Variants in GALNT17 observed in about 807,000 individuals in gnomAD.
The protein encoded by GALNT17 is UDP-GalNAc:polypeptide N-acetylgalactosaminyltransferase-like 3.
In GALNT17, 29 loss-of-function variants were observed where a neutral mutation model predicts 63.7. That is an observed-to-expected ratio of 0.46 (90% CI 0.34 to 0.62). The LOEUF (loss-of-function observed/expected upper bound fraction) is 0.62, where lower values mean the gene tolerates loss of function less well. GALNT17 is among the 20% of genes least tolerant of loss of function. The probability of loss-of-function intolerance (pLI) is 0.01; values close to 1 mark genes in which losing one functional copy is unlikely to be tolerated. For synonymous variants in GALNT17, 305 were observed against 318.3 expected, an observed-to-expected ratio of 0.96 and a Z score of 0.45; for missense variants, 603 against 799.6, an observed-to-expected ratio of 0.75 and a Z score of 2.97.
At chr7:71,276,768 C>T (rs1005107436) in intron 1 of GALNT17, among the ~76,000 whole-genome samples, 10 of 152,062 alleles carry the variant, frequency 6.6e-5, no homozygotes, top group Admixed American at 1.3e-4. Flanking sequence ...GAGGCCGAGG[C>T]GGGTAGATCA....
intron 1 of GALNT17, among the ~76,000 whole-genome samples, chr7:71,218,997 A>G (rs1196283573): frequency 6.6e-6 from 1 of 152,130 alleles, no homozygotes; most frequent in South Asian, 2.1e-4. Context: ...CTGTGGACAA[A>G]TTATCTTCTA....
At chr7:71,492,497 G>A (rs1788027788) in intron 5 of GALNT17, among the ~76,000 whole-genome samples, 1 of 152,040 alleles carries the variant, frequency 6.6e-6, no homozygotes, top group Non-Finnish European at 1.5e-5. Context: ...TCTTTTCTTT[G>A]GCTGTCACTC....
chr7:71,376,709 T>A (rs1224121230), intron 2 of GALNT17, among the ~76,000 whole-genome samples: 1 of 151,856 alleles, frequency 6.6e-6, no homozygotes, highest in Admixed American at 6.6e-5. Context: ...CCTGGCACTT[T>A]GGGAGGCCCA....
chr7:71,671,855 T>C (rs780029958), intron 8 of GALNT17, among the ~76,000 whole-genome samples: 10 of 152,014 alleles, frequency 6.6e-5, no homozygotes, highest in Non-Finnish European at 1.3e-4. Flanking sequence ...GGAAGTCCTG[T>C]CTATATAGAT....
At chr7:71,236,395 T>C (rs1583786294) in intron 1 of GALNT17, among the ~76,000 whole-genome samples, 1 of 152,072 alleles carries the variant, frequency 6.6e-6, no homozygotes. Context: ...CCACTGGCTG[T>C]AGGTTTCAGC....
At chr7:71,685,030 C>T (rs1047993580) in intron 9 of GALNT17, among the ~76,000 whole-genome samples, 3 of 152,020 alleles carry the variant, frequency 2.0e-5, no homozygotes, top group Non-Finnish European at 4.4e-5. Flanking sequence ...GCAATGCCAG[C>T]TGTCAAACGA....
chr7:71,658,122 G>A (rs117118961), intron 6 of GALNT17, among the ~76,000 whole-genome samples: 15,114 of 152,156 alleles, frequency 0.099, 813 homozygotes, highest in Middle Eastern at 0.15. Flanking sequence ...GCCCAGGCTG[G>A]TCTTGAACTC....
intron 5 of GALNT17, among the ~76,000 whole-genome samples, chr7:71,421,605 G>A (rs958737831): frequency 2.0e-5 from 3 of 151,980 alleles, no homozygotes; most frequent in Non-Finnish European, 2.9e-5. Flanking sequence ...GCTGCCTCTC[G>A]GGATATGGAG....
intron 1 of GALNT17, among the ~76,000 whole-genome samples, chr7:71,185,483 C>T (rs950091351): frequency 4.0e-5 from 6 of 151,718 alleles, no homozygotes; most frequent in African/African-American, 1.5e-4. Flanking sequence ...CAGGCATGAG[C>T]CCCCATACCT....
chr7:71,557,053 ATT>A (rs555277982), intron 5 of GALNT17, among the ~76,000 whole-genome samples: 40,802 of 136,310 alleles, frequency 0.3, 5,796 homozygotes, highest in Admixed American at 0.33. Flanking sequence ...AACCCAGCTA[ATT>A]TTTTTTTTTT....
At chr7:71,186,253 C>T (rs1174079824) in intron 1 of GALNT17, among the ~76,000 whole-genome samples, 4 of 152,164 alleles carry the variant, frequency 2.6e-5, no homozygotes, top group African/African-American at 2.4e-5. Context: ...CTCTCTACTC[C>T]CCTTTCCCCT....
chr7:71,665,274 A>G, intron 6 of GALNT17, 137 bp from the exon 7 acceptor site: 1 of 913,870 alleles, frequency 1.1e-6, no homozygotes, highest in Admixed American at 2.6e-5. Flanking sequence ...ACCGTGCACA[A>G]CCTCTCATTG....
Position 71,665,424 on chromosome 7 carries a change from G to A in GALNT17, c.1094G>A (p.Gly365Glu). 1 of 1,610,802 alleles carries A rather than the reference G, an allele frequency of 6.2e-7. No homozygotes were observed. The highest frequency in any genetic ancestry group is 8.5e-7 in the Non-Finnish European group (1 of 1,179,462). The change falls in exon 7 of 11, where the codon GGG becomes GAG. Residue 365 changes from glycine (G) to glutamate (E), a missense_variant. By Grantham distance (98) the Gly-to-Glu change is moderately conservative (BLOSUM62 -2). Coordinates refer to ENST00000333538, the MANE Select transcript of GALNT17 (RefSeq NM_022479.3). ...IELGIKVWLC[G>E]GSMEVLPCSR... ...TTGTACCCCTAGGTATGGCTCTGTG[G>A]GGGCAGCATGGAGGTCCTTCCTTGC...
At chr7:71,467,753 A>T (rs1455587308) in intron 5 of GALNT17, among the ~76,000 whole-genome samples, 1 of 151,874 alleles carries the variant, frequency 6.6e-6, no homozygotes, top group Non-Finnish European at 1.5e-5. Flanking sequence ...ACAACAGGGA[A>T]CATGGAAAGG....
In GALNT17 at chr7:71,374,834, ATTTTTTTTTT is replaced by A. The variant is rs71089940; in HGVS notation, c.423-13387_423-13378del. Among the ~76,000 whole-genome samples, 132 of 109,654 alleles carry A rather than the reference ATTTTTTTTTT, an allele frequency of 1.2e-3. 1 individual carries two copies. Among genetic ancestry groups the A allele is most frequent in the African/African-American group, 4.6e-3 (129 of 27,884 alleles). 71.9% of individuals were successfully genotyped at this position (109,654 alleles called of 152,430 possible). ...TGCATTTGGCTTGTTCTTGAGGAGG[ATTTTTTTTTT>A]TTTTTTTTTTTTTGAGACGGAGTCT... On this transcript the variant is annotated intron_variant, in intron 2 of 10. Transcript: ENST00000333538.
intron 5 of GALNT17, among the ~76,000 whole-genome samples, chr7:71,424,628 A>T (rs1237319953): frequency 6.6e-6 from 1 of 152,250 alleles, no homozygotes; most frequent in Non-Finnish European, 1.5e-5. Flanking sequence ...AATGCCAATG[A>T]TGTCTTTTTA....
At chr7:71,336,191 A>G (rs1257022442) in intron 2 of GALNT17, among the ~76,000 whole-genome samples, 2 of 151,784 alleles carry the variant, frequency 1.3e-5, no homozygotes, top group Non-Finnish European at 2.9e-5. Flanking sequence ...GATTGCAGGC[A>G]TGCACCACCA....
chr7:71,247,724 T>C (rs1790124957), intron 1 of GALNT17, among the ~76,000 whole-genome samples: 1 of 152,174 alleles, frequency 6.6e-6, no homozygotes, highest in African/African-American at 2.4e-5. Flanking sequence ...CCCAAAGTGC[T>C]GCGATTACAG....
intron 9 of GALNT17, among the ~76,000 whole-genome samples, chr7:71,710,223 A>C (rs937708059): frequency 1.3e-5 from 2 of 152,138 alleles, no homozygotes; most frequent in Non-Finnish European, 2.9e-5. Flanking sequence ...TAGATAAAAG[A>C]TCAGGGCCGG....
Sources: allele counts gnomAD v4.1 joint callset (sites outside exome capture counted in the v4.1 genomes callset), GRCh38; gene constraint gnomAD v4.1.1; transcripts MANE v1.5; gene names NCBI Gene and HGNC (gene_info 2026-07-23, HGNC 2026-07-21).